Variants in GPC5 observed in about 807,000 individuals in gnomAD.
GPC5 encodes the protein glypican-5.
GPC5 carries 47 observed loss-of-function variants against 53.9 expected under a neutral mutation model. That is an observed-to-expected ratio of 0.87 (90% CI 0.69 to 1.11). The LOEUF (loss-of-function observed/expected upper bound fraction) is 1.11, where lower values mean the gene tolerates loss of function less well. Among genes scored for constraint, GPC5 ranks in the 50% most tolerant of loss-of-function variants. The pLI is 0.00. For missense variants in GPC5, 748 were observed against 713.1 expected (o/e 1.05, Z -0.56); for synonymous variants, 286 against 263.3 (o/e 1.09, Z -0.84).
chr13:91,437,551 T>C (rs1300578049), intron 1 of GPC5, among the ~76,000 whole-genome samples: 1 of 152,236 alleles, frequency 6.6e-6, no homozygotes, highest in Admixed American at 6.5e-5. Context: ...TCTGCCGAGA[T>C]ATCAGCTGTT....
chr13:91,493,131 T>C (rs1218571924), intron 2 of GPC5, among the ~76,000 whole-genome samples: 1 of 152,226 alleles, frequency 6.6e-6, no homozygotes, highest in African/African-American at 2.4e-5. Context: ...GCAAGTCCTG[T>C]TGAACTTTTT....
intron 7 of GPC5, among the ~76,000 whole-genome samples, chr13:92,797,828 G>GATAA (rs1876744349): frequency 8.1e-6 from 1 of 123,300 alleles, no homozygotes; most frequent in African/African-American, 3.2e-5. Context: ...ATGATAGATA[G>GATAA]ATAGATAGAT....
intron 7 of GPC5, among the ~76,000 whole-genome samples, chr13:92,230,606 C>T (rs935208518): frequency 3.3e-5 from 5 of 152,024 alleles, no homozygotes; most frequent in African/African-American, 4.8e-5. Context: ...TTAGACCCTG[C>T]GTTTATTAAT....
intron 1 of GPC5, among the ~76,000 whole-genome samples, chr13:91,421,779 A>G (rs908286710): frequency 2.0e-5 from 3 of 152,228 alleles, no homozygotes; most frequent in Non-Finnish European, 1.5e-5. Context: ...AGAAGCCTGT[A>G]GAGAGGGTGG....
At chr13:92,752,895 C>G (rs141950809) in intron 7 of GPC5, among the ~76,000 whole-genome samples, 4 of 152,190 alleles carry the variant, frequency 2.6e-5, no homozygotes, top group African/African-American at 9.6e-5. Flanking sequence ...AACTGCAAGG[C>G]GGCAGTGAGG....
chr13:91,581,592 T>C (rs1466220997), intron 2 of GPC5, among the ~76,000 whole-genome samples: 1 of 152,204 alleles, frequency 6.6e-6, no homozygotes, highest in African/African-American at 2.4e-5. Flanking sequence ...CTAATATATT[T>C]TGTAGTTGCA....
At chr13:91,598,616 G>C (rs2139209692) in intron 2 of GPC5, among the ~76,000 whole-genome samples, 1 of 151,928 alleles carries the variant, frequency 6.6e-6, no homozygotes, top group East Asian at 1.9e-4. Flanking sequence ...GTTTTATACA[G>C]GAGCATTGAT....
intron 7 of GPC5, among the ~76,000 whole-genome samples, chr13:92,592,023 A>G (rs962325381): frequency 6.6e-6 from 1 of 152,196 alleles, no homozygotes; most frequent in Non-Finnish European, 1.5e-5. Flanking sequence ...TGATATATCT[A>G]TGTCAAGCAA....
intron 7 of GPC5, among the ~76,000 whole-genome samples, chr13:92,203,661 AATAAAT>A (rs2042311743): frequency 2.8e-5 from 3 of 108,134 alleles, no homozygotes; most frequent in African/African-American, 7.9e-5. Flanking sequence ...TATATAAAAA[AATAAAT>A]AAATAAAACC....
chr13:92,408,858 G>A (rs1178400353), intron 7 of GPC5, among the ~76,000 whole-genome samples: 4 of 151,640 alleles, frequency 2.6e-5, no homozygotes, highest in Non-Finnish European at 5.9e-5. Context: ...TCCCCCTAAG[G>A]TACATTAACC....
At chr13:92,536,522 T>A (rs1881727692) in intron 7 of GPC5, among the ~76,000 whole-genome samples, 1 of 152,096 alleles carries the variant, frequency 6.6e-6, no homozygotes, top group Non-Finnish European at 1.5e-5. Context: ...GCTGAGAAAA[T>A]GTAAACCATT....
chr13:92,112,799 G>A (rs980727887), intron 6 of GPC5, among the ~76,000 whole-genome samples: 15 of 152,196 alleles, frequency 9.9e-5, no homozygotes, highest in Non-Finnish European at 1.8e-4. Flanking sequence ...AGGTTGAAAA[G>A]CCAGTAGGGA....
chr13:92,231,781 C>T (rs2042531729), intron 7 of GPC5, among the ~76,000 whole-genome samples: 2 of 152,066 alleles, frequency 1.3e-5, no homozygotes, highest in Non-Finnish European at 1.5e-5. Context: ...GCCGGGCCAA[C>T]ATGGTGAAAC....
chr13:92,459,406 A>G (rs1269919378), intron 7 of GPC5, among the ~76,000 whole-genome samples: 1 of 152,202 alleles, frequency 6.6e-6, no homozygotes, highest in Non-Finnish European at 1.5e-5. Flanking sequence ...TTATGAATTT[A>G]AATCTCTTGT....
At chr13:91,677,786 A>G (rs1217499170) in intron 2 of GPC5, among the ~76,000 whole-genome samples, 1 of 152,230 alleles carries the variant, frequency 6.6e-6, no homozygotes, top group Non-Finnish European at 1.5e-5. Context: ...TACAAGTCAT[A>G]TCTTTGGAAG....
chr13:91,935,498 C>T (rs1420411918), intron 6 of GPC5, among the ~76,000 whole-genome samples: 1 of 151,952 alleles, frequency 6.6e-6, no homozygotes, highest in Non-Finnish European at 1.5e-5. Context: ...AATATTGAAT[C>T]TGCTGGTACC....
At chr13:91,756,791 T>G (rs538253919) in intron 5 of GPC5, among the ~76,000 whole-genome samples, 3 of 152,070 alleles carry the variant, frequency 2.0e-5, no homozygotes, top group African/African-American at 7.2e-5. Flanking sequence ...TTCAGTGAAA[T>G]GTGAATACCT....
chr13:92,299,255 A>G (rs190333441), intron 7 of GPC5, among the ~76,000 whole-genome samples: 4 of 152,306 alleles, frequency 2.6e-5, no homozygotes, highest in African/African-American at 9.6e-5. Context: ...ATAGTTCAGA[A>G]ATTCGAAGCA....
chr13:91,854,920 T>C (rs1215679859), intron 5 of GPC5, among the ~76,000 whole-genome samples: 1 of 151,746 alleles, frequency 6.6e-6, no homozygotes, highest in East Asian at 1.9e-4. Context: ...AAATGAGAAT[T>C]CAGCACTTTC....
Sources: gnomAD v4.1 joint callset for allele counts (sites outside exome capture counted in the v4.1 genomes callset) on GRCh38, gnomAD v4.1.1 for gene constraint, MANE v1.5 for transcripts, NCBI Gene and HGNC (gene_info 2026-07-23, HGNC 2026-07-21) for gene names.